CHRM3: variants seen among roughly 807,000 people sequenced by gnomAD.
CHRM3 encodes cholinergic receptor muscarinic 3, also known as muscarinic acetylcholine receptor M3.
Under a neutral mutation model 41.8 loss-of-function variants are expected in CHRM3, and 11 were observed. The ratio of observed to expected loss-of-function variants is 0.26; its 90% CI spans 0.17 to 0.44. The LOEUF (loss-of-function observed/expected upper bound fraction) is 0.44. Ranked by LOEUF, CHRM3 falls within the 20% of genes least tolerant of loss-of-function variation. The pLI, the probability that CHRM3 is intolerant of heterozygous loss-of-function variation, is 1.00. For synonymous variants in CHRM3, 297 were observed against 301.4 expected (o/e 0.99, Z 0.15); for missense variants, 571 against 745.4 (o/e 0.77, Z 2.72).
chr1:239,401,624 C>G (rs6658733), intron 1 of CHRM3, among the ~76,000 whole-genome samples: 7,966 of 151,898 alleles, frequency 0.052, 336 homozygotes, highest in East Asian at 0.21. Flanking sequence ...CTGAGTAGCC[C>G]GGACTACAGG....
At chr1:239,848,949 C>T (rs114707107) in intron 6 of CHRM3, among the ~76,000 whole-genome samples, 2,749 of 152,194 alleles carry the variant, frequency 0.018, 97 homozygotes, top group African/African-American at 0.063. Flanking sequence ...CAAATAATTC[C>T]AGCAAACTAT....
intron 3 of CHRM3, among the ~76,000 whole-genome samples, chr1:239,578,257 G>A (rs1662556056): frequency 6.6e-6 from 1 of 152,072 alleles, no homozygotes; most frequent in Non-Finnish European, 1.5e-5. Context: ...TGTGTCTTGT[G>A]GCTTTGCAGT....
At chr1:239,507,299 G>A (rs1359857540) in intron 2 of CHRM3, among the ~76,000 whole-genome samples, 1 of 152,150 alleles carries the variant, frequency 6.6e-6, no homozygotes, top group Admixed American at 6.5e-5. Context: ...TTGAATCACT[G>A]GGGGCAGGTC....
chr1:239,895,791 G>A (rs1678950556), intron 6 of CHRM3, among the ~76,000 whole-genome samples: 1 of 152,074 alleles, frequency 6.6e-6, no homozygotes, highest in African/African-American at 2.4e-5. Context: ...CACAAAGAAG[G>A]GAACAACATA....
At chr1:239,808,791 C>T (rs1224080745) in intron 5 of CHRM3, among the ~76,000 whole-genome samples, 1 of 152,136 alleles carries the variant, frequency 6.6e-6, no homozygotes, top group Non-Finnish European at 1.5e-5. Context: ...AGAATTAAAT[C>T]AGCACTCTCT....
chr1:239,562,577 GATT>G (rs1014289304), intron 3 of CHRM3, among the ~76,000 whole-genome samples: 24 of 151,724 alleles, frequency 1.6e-4, no homozygotes, highest in African/African-American at 3.6e-4. Context: ...TGATGATGAT[GATT>G]ATTATTATTA....
At chr1:239,733,437 G>T (rs867070457) in intron 5 of CHRM3, among the ~76,000 whole-genome samples, 1 of 151,974 alleles carries the variant, frequency 6.6e-6, no homozygotes, top group African/African-American at 2.4e-5. Flanking sequence ...TTAATAAGGG[G>T]CAAGTGGTTA....
chr1:239,656,816 A>C (rs868076569), intron 4 of CHRM3, among the ~76,000 whole-genome samples: 8 of 152,250 alleles, frequency 5.3e-5, no homozygotes, highest in Middle Eastern at 3.4e-3. Flanking sequence ...CTTTGTTTTT[A>C]TAGTTTCTTT....
chr1:239,575,768 T>A (rs982718672), intron 3 of CHRM3, among the ~76,000 whole-genome samples: 1 of 151,602 alleles, frequency 6.6e-6, no homozygotes, highest in Non-Finnish European at 1.5e-5. Flanking sequence ...TAGAGATATA[T>A]ATACACACAC....
chr1:239,695,085 G>A (rs571504045), intron 5 of CHRM3, among the ~76,000 whole-genome samples: 3 of 152,096 alleles, frequency 2.0e-5, no homozygotes, highest in Admixed American at 6.5e-5. Context: ...ATCTCAGCTC[G>A]CTGCAACCTC....
chr1:239,637,615 C>T lies in CHRM3; in HGVS notation c.-250+5329C>T, dbSNP rs1485915770. On this transcript the variant is annotated intron_variant, in intron 4 of 6. Coordinates refer to ENST00000676153, the MANE Select transcript of CHRM3 (RefSeq NM_001375978.1). ...AGTAGTGAGTCTGAAAGCCTTTGCT[C>T]TTCACTCGTCCCAAGGTCAACCCCA... Among the ~76,000 whole-genome samples the T allele has an allele frequency of 3.0e-5, 4 of 134,280 alleles. No homozygotes were observed. The Admixed American group carries it at 3.4e-4, about 11-fold the overall frequency. 88.1% of individuals were successfully genotyped at this position (134,280 alleles called of 152,430 possible).
chr1:239,565,848 A>G (rs572262944), intron 3 of CHRM3, among the ~76,000 whole-genome samples: 37 of 151,668 alleles, frequency 2.4e-4, no homozygotes, highest in Admixed American at 5.9e-4. Context: ...ATATGTTAAT[A>G]TATGTTAAAA....
At chr1:239,475,592 G>A (rs1666415876) in intron 1 of CHRM3, among the ~76,000 whole-genome samples, 2 of 152,038 alleles carry the variant, frequency 1.3e-5, no homozygotes, top group South Asian at 2.1e-4. Flanking sequence ...AAAAAGGCAT[G>A]AATTTAAAAC....
intron 3 of CHRM3, chr1:239,546,692 G>A (rs998974317): frequency 2.6e-5 from 4 of 151,962 alleles, no homozygotes; most frequent in Non-Finnish European, 5.9e-5. Context: ...CCAACCATAA[G>A]GAATTTCTGC....
chr1:239,512,092 T>C (rs1221589810), intron 2 of CHRM3, among the ~76,000 whole-genome samples: 7 of 152,058 alleles, frequency 4.6e-5, no homozygotes, highest in African/African-American at 1.7e-4. Flanking sequence ...AGTTGAAGGA[T>C]TGCCTGGGTG....
At chr1:239,411,607 C>A (rs1298931235) in intron 1 of CHRM3, among the ~76,000 whole-genome samples, 1 of 151,138 alleles carries the variant, frequency 6.6e-6, no homozygotes, top group African/African-American at 2.4e-5. Flanking sequence ...CACATACAAT[C>A]CCAGCTACTC....
At chr1:239,613,184 G>T (rs1391783776) in intron 3 of CHRM3, among the ~76,000 whole-genome samples, 1 of 152,176 alleles carries the variant, frequency 6.6e-6, no homozygotes, top group Non-Finnish European at 1.5e-5. Context: ...AAGAGATGAT[G>T]TGATGTTTCA....
intron 5 of CHRM3, chr1:239,720,077 C>T (rs1004658237): frequency 2.0e-5 from 3 of 151,880 alleles, no homozygotes; most frequent in African/African-American, 7.2e-5. Context: ...CCTATGATAG[C>T]AGTAAGTTTA....
chr1:239,856,241 G>A (rs543563549), intron 6 of CHRM3, among the ~76,000 whole-genome samples: 9 of 152,210 alleles, frequency 5.9e-5, no homozygotes, highest in South Asian at 4.1e-4. Context: ...AGGTGATAAG[G>A]TTTGGCTTTG....
Sources: allele counts gnomAD v4.1 joint callset (sites outside exome capture counted in the v4.1 genomes callset), GRCh38; gene constraint gnomAD v4.1.1; transcripts MANE v1.5; gene names NCBI Gene and HGNC (gene_info 2026-07-23, HGNC 2026-07-21).